Variants in MAST4 observed in about 807,000 individuals in gnomAD.
MAST4 encodes microtubule-associated serine/threonine-protein kinase 4.
In MAST4, 89 loss-of-function variants were observed where a neutral mutation model predicts 162.7. The ratio of observed to expected loss-of-function variants is 0.55; its 90% confidence interval spans 0.46 to 0.65. The LOEUF (loss-of-function observed/expected upper bound fraction) is 0.65. Ranked by LOEUF, MAST4 falls within the 30% of genes least tolerant of loss-of-function variation. The probability of loss-of-function intolerance (pLI) is 0.00; values close to 1 mark genes in which losing one functional copy is unlikely to be tolerated. For missense variants in MAST4, 3,153 were observed against 3,374.0 expected (o/e 0.93, Z 1.62); for synonymous variants, 1,479 against 1,361.1 (o/e 1.09, Z -1.91).
At chr5:67,128,047 T>C (rs887815073) in intron 14 of MAST4, among the ~76,000 whole-genome samples, 11 of 152,194 alleles carry the variant, frequency 7.2e-5, no homozygotes, top group African/African-American at 2.4e-4. Flanking sequence ...TCTAGATTTT[T>C]GTTATTTTTT....
chr5:66,757,948 A>G (rs891581168), intron 1 of MAST4, among the ~76,000 whole-genome samples: 2 of 152,184 alleles, frequency 1.3e-5, no homozygotes, highest in Non-Finnish European at 2.9e-5. Flanking sequence ...TCTAGAGGCT[A>G]TATGGAAACT....
chr5:66,687,406 T>C (rs1040608419), intron 1 of MAST4, among the ~76,000 whole-genome samples: 2 of 151,930 alleles, frequency 1.3e-5, no homozygotes, highest in African/African-American at 4.8e-5. Flanking sequence ...GCAAAGGACA[T>C]GATTTCATTC....
intron 1 of MAST4, among the ~76,000 whole-genome samples, chr5:66,698,743 A>G (rs945399292): frequency 6.6e-6 from 1 of 152,088 alleles, no homozygotes; most frequent in Non-Finnish European, 1.5e-5. Context: ...TCCCCATCTC[A>G]TAAATGGCAC....
rs537679693 is a variant in MAST4, at chr5:66,921,371, C to A, written c.674+21389C>A. On this transcript the variant is annotated intron_variant, in intron 4 of 28. Coordinates refer to ENST00000403625, the MANE Select transcript of MAST4 (RefSeq NM_001164664.2). The stretch of plus-strand genomic sequence containing the variant: ...CTAATGAGGTGAGGTAAACTGCAGC[C>A]CACCTTCGTCCAGAGGCATTCTTAA... Among the ~76,000 whole-genome samples, 130 of 152,262 alleles carry A rather than the reference C, an allele frequency of 8.5e-4. 3 individuals are homozygous for A. In the South Asian group the frequency reaches 0.026, roughly 30 times the overall value.
chr5:66,860,290 C>T (rs1163701547), intron 3 of MAST4, among the ~76,000 whole-genome samples: 1 of 152,160 alleles, frequency 6.6e-6, no homozygotes, highest in Non-Finnish European at 1.5e-5. Context: ...ATAGGAACTG[C>T]TATATGTAAC....
chr5:66,828,649 C>T lies in MAST4; in HGVS notation c.642+39855C>T, dbSNP rs144798657. On this transcript the variant is annotated intron_variant, in intron 3 of 28. Coordinates refer to ENST00000403625, the MANE Select transcript of MAST4 (RefSeq NM_001164664.2). ...GAGCCCACTTGCTGCTCTCTCCCAC[C>T]GAACTGCAAGCATCCGTGATCTCCG... 3,096 of 677,060 alleles carry T rather than the reference C, an allele frequency of 4.6e-3. 33 individuals carry two copies. Among genetic ancestry groups the T allele is most frequent in the Non-Finnish European group, 4.8e-3 (1,930 of 406,206 alleles). 41.9% of individuals were successfully genotyped at this position (677,060 alleles called of 1,614,324 possible).
rs532629021 is a variant in MAST4 at position 67,004,383 on chromosome 5, C to A, written c.675-50021C>A. On this transcript the variant is annotated intron_variant, in intron 4 of 28. Transcript: ENST00000403625. ...TCCACAAAGGTGTCAGGTTCAAGTC[C>A]TCCAATAGGCCCATTTTTTAAAAGT... Among the ~76,000 whole-genome samples, 68 of 152,356 alleles carry A rather than the reference C, an allele frequency of 4.5e-4. No homozygotes were observed. The South Asian group carries it at 0.014, about 31-fold the overall frequency.
chr5:66,804,093 G>A (rs1756059301), intron 3 of MAST4, among the ~76,000 whole-genome samples: 1 of 152,030 alleles, frequency 6.6e-6, no homozygotes, highest in Admixed American at 6.6e-5. Flanking sequence ...TGACAAATAT[G>A]TTTATATAAT....
At chr5:66,739,580 G>A (rs370581028) in intron 1 of MAST4, among the ~76,000 whole-genome samples, 6 of 152,118 alleles carry the variant, frequency 3.9e-5, no homozygotes, top group African/African-American at 1.4e-4. Context: ...ATCTCTCAAC[G>A]CCCTGGGGTA....
At chr5:67,033,183 A>G (rs918575880) in intron 4 of MAST4, among the ~76,000 whole-genome samples, 3 of 151,826 alleles carry the variant, frequency 2.0e-5, no homozygotes, top group Non-Finnish European at 2.9e-5. Context: ...TTAAAAAAAA[A>G]AAAGAAAGAA....
intron 1 of MAST4, among the ~76,000 whole-genome samples, chr5:66,668,488 G>C (rs1747407814): frequency 6.6e-6 from 1 of 152,170 alleles, no homozygotes; most frequent in Non-Finnish European, 1.5e-5. Context: ...TCTAGAGTGG[G>C]TTGTGGAGAG....
At position 67,153,620 on chromosome 5, in the gene MAST4, G is replaced by T; in HGVS notation, c.3648+40G>T. 2.0e-6 allele frequency: 3 copies of T among 1,533,016 alleles called. No individual in the cohort carries two copies. The South Asian group carries it at 3.8e-5, about 19-fold the overall frequency. 95.0% of individuals were successfully genotyped at this position (1,533,016 alleles called of 1,614,324 possible). ...ATGTCAGGGCCATGCTGATGAGACA[G>T]GCAGCCCAAAGGGGCTAGTACCAGG... On this transcript the variant is annotated intron_variant, in intron 26 of 28. Coordinates refer to ENST00000403625, the MANE Select transcript of MAST4 (RefSeq NM_001164664.2).
intron 1 of MAST4, among the ~76,000 whole-genome samples, chr5:66,653,965 T>C (rs1257990114): frequency 3.9e-5 from 6 of 152,202 alleles, no homozygotes; most frequent in Non-Finnish European, 5.9e-5. Flanking sequence ...CCAGAATTCA[T>C]TGTTCAACAA....
At position 67,146,594 on chromosome 5, in the gene MAST4, A is replaced by T. The variant is rs193168655; in HGVS notation, c.3094+1215A>T. Among the ~76,000 whole-genome samples the T allele has an allele frequency of 3.9e-4, 59 of 152,326 alleles. 1 individual carries two copies. The highest frequency in any genetic ancestry group is 1.4e-3 in the African/African-American group (57 of 41,574). On this transcript the variant is annotated intron_variant, in intron 23 of 28. Transcript: ENST00000403625. ...TAAACTAACTGAATATTCATAGTGT[A>T]AGCTTTTTTTTAATCATTTCAGGAA...
chr5:67,127,867 A>G (rs1311601753), intron 14 of MAST4, among the ~76,000 whole-genome samples: 1 of 152,180 alleles, frequency 6.6e-6, no homozygotes, highest in Non-Finnish European at 1.5e-5. Flanking sequence ...AAAGATATGT[A>G]TTTTAAACAT....
At chr5:67,133,910 G>C (rs1394179145) in intron 17 of MAST4, among the ~76,000 whole-genome samples, 3 of 152,170 alleles carry the variant, frequency 2.0e-5, no homozygotes, top group Non-Finnish European at 4.4e-5. Context: ...GAGAGTGTGA[G>C]AGAGACAAAT....
intron 3 of MAST4, among the ~76,000 whole-genome samples, chr5:66,823,995 CA>C (rs1580541578): frequency 6.6e-6 from 1 of 152,146 alleles, no homozygotes; most frequent in African/African-American, 2.4e-5. Context: ...GCTAATACAA[CA>C]TATTCATTGG....
intron 3 of MAST4, among the ~76,000 whole-genome samples, chr5:66,869,943 G>A (rs1253680220): frequency 2.0e-5 from 3 of 152,112 alleles, no homozygotes; most frequent in African/African-American, 7.2e-5. Flanking sequence ...GTTCACTGTT[G>A]TCCAGCTCTG....
Position 67,133,660 on chromosome 5 carries a change from C to T in MAST4, c.2226+14C>T. The T allele has an allele frequency of 6.2e-7, 1 of 1,611,710 alleles. No homozygotes were observed. The highest frequency in any genetic ancestry group is 8.5e-7 in the Non-Finnish European group (1 of 1,178,602). On this transcript the variant is annotated intron_variant, in intron 17 of 28. Coordinates refer to ENST00000403625, the MANE Select transcript of MAST4 (RefSeq NM_001164664.2). ...CTGGATAAACAGGTAAGCTTGGGTGCCATTTAGTTTATTGAGAAATACAAA... is the reference window on the plus strand; with the variant it reads ...CTGGATAAACAGGTAAGCTTGGGTGTCATTTAGTTTATTGAGAAATACAAA...
Sources: gnomAD v4.1 joint callset for allele counts (sites outside exome capture counted in the v4.1 genomes callset) on GRCh38, gnomAD v4.1.1 for gene constraint, MANE v1.5 for transcripts, NCBI Gene and HGNC (gene_info 2026-07-23, HGNC 2026-07-21) for gene names.